The following TAFA1 variants were observed in gnomAD, a reference collection of about 807,000 sequenced individuals.
The protein encoded by TAFA1 is TAFA chemokine like family member 1, also known as chemokine-like protein TAFA-1.
TAFA1 carries 4 observed loss-of-function variants against 18.5 expected under a neutral mutation model. That is an observed-to-expected ratio of 0.22 (90% CI 0.11 to 0.49). The LOEUF (loss-of-function observed/expected upper bound fraction) is 0.49. TAFA1 is among the 20% of genes least tolerant of loss of function. The pLI is 0.98. For synonymous variants in TAFA1, 56 were observed against 55.2 expected, an observed-to-expected ratio of 1.01 and a Z score of -0.06; for missense variants, 147 against 169.0, an observed-to-expected ratio of 0.87 and a Z score of 0.72.
chr3:68,210,864 C>A (rs2066587909), intron 2 of TAFA1, among the ~76,000 whole-genome samples: 1 of 151,958 alleles, frequency 6.6e-6, no homozygotes, highest in African/African-American at 2.4e-5. Flanking sequence ...TGGGTGGTTC[C>A]AGCTGTGGTC....
intron 2 of TAFA1, among the ~76,000 whole-genome samples, chr3:68,076,843 A>T (rs1179770156): frequency 6.6e-6 from 1 of 152,240 alleles, no homozygotes; most frequent in Non-Finnish European, 1.5e-5. Context: ...TGGCTGGGTC[A>T]AATGGTATTT....
At chr3:68,065,006 C>T (rs1051947347) in intron 2 of TAFA1, among the ~76,000 whole-genome samples, 3 of 151,902 alleles carry the variant, frequency 2.0e-5, no homozygotes, top group African/African-American at 4.8e-5. Context: ...TAAAGGTAGA[C>T]CCATCAAGAA....
intron 2 of TAFA1, among the ~76,000 whole-genome samples, chr3:68,022,856 AT>A (rs1704726214): frequency 7.8e-5 from 11 of 141,518 alleles, no homozygotes; most frequent in African/African-American, 2.2e-4. Flanking sequence ...ATATATATAT[AT>A]ATAAAATTAA....
At chr3:68,510,768 A>G (rs2072834248) in intron 3 of TAFA1, among the ~76,000 whole-genome samples, 1 of 152,108 alleles carries the variant, frequency 6.6e-6, no homozygotes. Context: ...ATTTCTTCCC[A>G]CTGTCTCTTT....
chr3:68,072,181 G>T (rs956603320), intron 2 of TAFA1, among the ~76,000 whole-genome samples: 3 of 152,130 alleles, frequency 2.0e-5, no homozygotes, highest in African/African-American at 7.2e-5. Context: ...TTGAACTGAG[G>T]CTTACAGGGT....
Position 68,340,484 on chromosome 3 carries a change from A to G in TAFA1, c.119-76796A>G, listed in dbSNP as rs75192747. ...AATAGTCTCTCCTTTGCGAAGTATT[A>G]TGCGAAGGAATGAGACTGGGTAAAA... On this transcript the variant is annotated intron_variant, in intron 2 of 4. Coordinates refer to ENST00000478136, the MANE Select transcript of TAFA1 (RefSeq NM_213609.4). 3.6e-3 allele frequency among the ~76,000 whole-genome samples: 554 copies of G among 152,346 alleles called. 4 individuals are homozygous for G. The highest frequency in any genetic ancestry group is 0.012 in the African/African-American group (515 of 41,590).
At chr3:68,351,777 G>A (rs1228618395) in intron 2 of TAFA1, among the ~76,000 whole-genome samples, 3 of 151,922 alleles carry the variant, frequency 2.0e-5, no homozygotes, top group East Asian at 1.9e-4. Flanking sequence ...TGATGAGGGT[G>A]TAAAGCTGTC....
At position 68,188,507 on chromosome 3, in the gene TAFA1, TTA is replaced by T. The variant is rs758653893; in HGVS notation, c.118+181778_118+181779del. Among the ~76,000 whole-genome samples the T allele has an allele frequency of 3.0e-3, 431 of 145,698 alleles. 1 individual carries two copies. The highest frequency in any genetic ancestry group is 0.02 in the East Asian group (99 of 4,966). On this transcript the variant is annotated intron_variant, in intron 2 of 4. Transcript: ENST00000478136. ...GTATATAATGTATGTGTATATATAT[TTA>T]TATATATATATATAGAGAGAGAGAG...
Position 68,345,290 on chromosome 3 carries a change from C to G in TAFA1, c.119-71990C>G, listed in dbSNP as rs1187454439. Among the ~76,000 whole-genome samples the G allele has an allele frequency of 2.0e-5, 3 of 152,266 alleles. No individual in the cohort carries two copies. The East Asian group carries it at 5.8e-4, about 30-fold the overall frequency. Reference sequence around the variant, plus strand: ...CAACCAGGGCCAGATCTAATCCTTACCTCGTTCAGGCAGAGAGGCCTAGAA... The same window carrying G: ...CAACCAGGGCCAGATCTAATCCTTAGCTCGTTCAGGCAGAGAGGCCTAGAA... On this transcript the variant is annotated intron_variant, in intron 2 of 4. Coordinates refer to ENST00000478136, the MANE Select transcript of TAFA1 (RefSeq NM_213609.4).
At chr3:68,436,135 T>C (rs1250096383) in intron 3 of TAFA1, among the ~76,000 whole-genome samples, 1 of 152,162 alleles carries the variant, frequency 6.6e-6, no homozygotes, top group Non-Finnish European at 1.5e-5. Context: ...AACAAAATTA[T>C]TTCTGTTCTT....
intron 4 of TAFA1, among the ~76,000 whole-genome samples, chr3:68,539,242 G>A (rs2073326007): frequency 6.6e-6 from 1 of 152,094 alleles, no homozygotes; most frequent in African/African-American, 2.4e-5. Context: ...TTGCTGAAAG[G>A]GTCTGCGTTT....
At chr3:68,285,010 C>T (rs1696842260) in intron 2 of TAFA1, among the ~76,000 whole-genome samples, 1 of 152,062 alleles carries the variant, frequency 6.6e-6, no homozygotes, top group African/African-American at 2.4e-5. Context: ...ATCACTTGAG[C>T]CCAGGAGTTA....
At chr3:68,087,507 C>G (rs2064984373) in intron 2 of TAFA1, among the ~76,000 whole-genome samples, 1 of 150,548 alleles carries the variant, frequency 6.6e-6, no homozygotes, top group South Asian at 2.1e-4. Flanking sequence ...TTTTGTCTTT[C>G]TTCCCTCCCT....
chr3:68,490,961 C>A (rs2072441050), intron 3 of TAFA1, among the ~76,000 whole-genome samples: 1 of 152,010 alleles, frequency 6.6e-6, no homozygotes, highest in African/African-American at 2.4e-5. Flanking sequence ...ACCTCAACCC[C>A]CCGAGTTGCT....
At chr3:68,533,476 G>A (rs764922869) in intron 3 of TAFA1, among the ~76,000 whole-genome samples, 3 of 152,094 alleles carry the variant, frequency 2.0e-5, no homozygotes, top group Non-Finnish European at 4.4e-5. Context: ...ATGAGATTTG[G>A]GTGGGCACAC....
chr3:68,093,733 T>C (rs1270384079), intron 2 of TAFA1, among the ~76,000 whole-genome samples: 1 of 149,898 alleles, frequency 6.7e-6, no homozygotes, highest in Non-Finnish European at 1.5e-5. Flanking sequence ...ATATCTTGTG[T>C]TTTTATTACT....
At chr3:68,480,646 A>T (rs1026253609) in intron 3 of TAFA1, among the ~76,000 whole-genome samples, 5 of 152,154 alleles carry the variant, frequency 3.3e-5, no homozygotes, top group Non-Finnish European at 7.4e-5. Context: ...TTAGATTATA[A>T]ACTCTTTGAG....
chr3:68,445,774 A>G (rs1028203432), intron 3 of TAFA1, among the ~76,000 whole-genome samples: 2 of 152,166 alleles, frequency 1.3e-5, no homozygotes, highest in Non-Finnish European at 2.9e-5. Context: ...TTTCTAAACA[A>G]TTTCCAAGTG....
chr3:68,442,234 C>T (rs917718156), intron 3 of TAFA1, among the ~76,000 whole-genome samples: 2 of 152,132 alleles, frequency 1.3e-5, no homozygotes, highest in African/African-American at 2.4e-5. Flanking sequence ...CAGTTGTGGA[C>T]ACCCAGGAGC....
Sources: allele counts gnomAD v4.1 joint callset (sites outside exome capture counted in the v4.1 genomes callset), GRCh38; gene constraint gnomAD v4.1.1; transcripts MANE v1.5; gene names NCBI Gene and HGNC (gene_info 2026-07-23, HGNC 2026-07-21).